The following MED11 variants were observed in gnomAD, a reference collection of about 807,000 sequenced individuals.
MED11 encodes the protein mediator complex subunit 11.
Under a neutral mutation model 13.9 loss-of-function variants are expected in MED11, and 19 were observed. The observed-to-expected ratio is 1.36, with a 90% CI of 0.95 to 2.00. The LOEUF (loss-of-function observed/expected upper bound fraction) is 2.00, where lower values mean the gene tolerates loss of function less well. MED11 is among the 30% of genes most tolerant of loss of function. MED11 has a pLI of 0.00. For missense variants in MED11, 134 were observed against 150.2 expected (o/e 0.89, Z 0.56); for synonymous variants, 67 against 62.1 (o/e 1.08, Z -0.37).
At chr17:4,731,927 C>G (rs780976850) in intron 2 of MED11, 21 bp downstream of exon 2, 2 of 1,607,766 alleles carry the variant, frequency 1.2e-6, no homozygotes, top group Non-Finnish European at 1.7e-6. Context: ...CTGGGGGGTT[C>G]TGCGAGCGAA....
intron 2 of MED11, 56 bp downstream of exon 2, chr17:4,731,962 G>A: frequency 2.5e-6 from 4 of 1,583,696 alleles, no homozygotes; most frequent in Non-Finnish European, 3.4e-6. Flanking sequence ...CAAAGCCTCA[G>A]GCTTGGGTGA....
Position 4,733,122 on chromosome 17 carries a change from G to A in MED11, c.289G>A (p.Val97Met). 6.2e-7 allele frequency: 1 copy of A among 1,614,208 alleles called. No individual in the cohort carries two copies. Among genetic ancestry groups the A allele is most frequent in the East Asian group, 2.2e-5 (1 of 44,890 alleles). The change falls in exon 3 of 3, where the codon GTG becomes ATG. Residue 97 changes from valine (V) to methionine (M), a missense_variant. Val to Met is a conservative substitution (Grantham distance 21). Coordinates refer to ENST00000293777, the MANE Select transcript of MED11 (RefSeq NM_001001683.4). Reference sequence around the variant, plus strand: ...GGACTGTCAGATGGCTCTGAAGCGAGTGGACTATGCCCGCCTCAAGCTCAG... The same window carrying A: ...GGACTGTCAGATGGCTCTGAAGCGAATGGACTATGCCCGCCTCAAGCTCAG... ...RKDCQMALKRVDYARLKLSDV... is the reference protein window; with the variant it reads ...RKDCQMALKRMDYARLKLSDV...
In MED11 at chr17:4,733,106, G is replaced by A. The variant is rs764194951; in HGVS notation, c.273G>A (p.Gln91=). The part of the protein sequence containing the change: ...GSSYSSRKDC[Q]MALKRVDYAR... ...GCTACTCTTCGAGGAAGGACTGTCA[G>A]ATGGCTCTGAAGCGAGTGGACTATG... is the stretch of plus-strand genomic sequence containing the variant. The change falls in exon 3 of 3, where the codon CAG becomes CAA. Residue 91 remains glutamine (Q), a synonymous_variant. Transcript: ENST00000293777. 6.2e-7 allele frequency: 1 copy of A among 1,614,188 alleles called. No homozygotes were observed. The highest frequency in any genetic ancestry group is 8.5e-7 in the Non-Finnish European group (1 of 1,180,036).
At position 4,733,287 on chromosome 17, in the gene MED11, C is replaced by A. The variant is rs113854154; in HGVS notation, c.*100C>A. On this transcript the variant is annotated 3_prime_UTR_variant, in exon 3 of 3. Transcript: ENST00000293777. ...GTGGGGAGTATGAGCACCAACATAC[C>A]CTGCTGGTCAAAGTACCCTAGGACA... The A allele has an allele frequency of 7.0e-7, 1 of 1,427,830 alleles. No individual in the cohort carries two copies. Among genetic ancestry groups the A allele is most frequent in the Non-Finnish European group, 9.5e-7 (1 of 1,049,714 alleles). The allele number at this position is 1,427,830 out of a possible 1,614,324, so 88.4% of individuals were successfully genotyped here. A position where few individuals can be genotyped will look rare whatever the true frequency, so the allele number is the denominator to read the frequency against.
rs1433332566 is a variant in MED11, at chr17:4,733,313, A to G, written c.*126A>G. 2 of 1,233,604 alleles carry G rather than the reference A, an allele frequency of 1.6e-6. No individual in the cohort carries two copies. Among genetic ancestry groups the G allele is most frequent in the African/African-American group, 3.0e-5 (2 of 66,230 alleles). 76.4% of individuals were successfully genotyped at this position (1,233,604 alleles called of 1,614,324 possible). On this transcript the variant is annotated 3_prime_UTR_variant, in exon 3 of 3. Coordinates refer to ENST00000293777, the MANE Select transcript of MED11 (RefSeq NM_001001683.4). ...CTGCTGGTCAAAGTACCCTAGGACA[A>G]AGGGGCAAATGGTGGGCATGGAAAA...
In MED11 at chr17:4,733,324, G is replaced by T; in HGVS notation, c.*137G>T. The T allele has an allele frequency of 8.8e-7, 1 of 1,136,314 alleles. No individual in the cohort carries two copies. 70.4% of individuals were successfully genotyped at this position (1,136,314 alleles called of 1,614,324 possible). A position where few individuals can be genotyped will look rare whatever the true frequency, so the allele number is the denominator to read the frequency against. ...AGTACCCTAGGACAAAGGGGCAAAT[G>T]GTGGGCATGGAAAAACTGAAGCCCG... On this transcript the variant is annotated 3_prime_UTR_variant, in exon 3 of 3. Transcript: ENST00000293777.
Position 4,731,481 on chromosome 17 carries a change from AGAGT to A in MED11, c.-6_-3del. 1 of 1,613,930 alleles carries A rather than the reference AGAGT, an allele frequency of 6.2e-7. No homozygotes were observed. Among genetic ancestry groups the A allele is most frequent in the Non-Finnish European group, 8.5e-7 (1 of 1,179,858 alleles). On this transcript the variant is annotated 5_prime_UTR_variant, in exon 1 of 3. Transcript: ENST00000293777. ...GGAGAAACTCTTGGTGAGAATTCCC[AGAGT>A]GATAATGGCTACCTACAGCCTGGCG... is the stretch of plus-strand genomic sequence containing the variant.
chr17:4,732,577 C>CT (rs1264179400), intron 2 of MED11: 1 of 167,030 alleles, frequency 6.0e-6, no homozygotes, highest in African/African-American at 2.4e-5. Flanking sequence ...AGCAAAAACT[C>CT]TGTCTCAAAA....
In MED11 at chr17:4,731,458, A is replaced by T; in HGVS notation, c.-32A>T. 2 of 1,609,164 alleles carry T rather than the reference A, an allele frequency of 1.2e-6. No homozygotes were observed. The highest frequency in any genetic ancestry group is 1.7e-6 in the Non-Finnish European group (2 of 1,175,784). On this transcript the variant is annotated 5_prime_UTR_variant, in exon 1 of 3. Transcript: ENST00000293777. ...CGGAACAAGCGTCGCGTTTCTGAGG[A>T]GAAACTCTTGGTGAGAATTCCCAGA...
chr17:4,731,706 G>C, intron 1 of MED11, 70 bp from the exon 2 acceptor site: 1 of 1,606,774 alleles, frequency 6.2e-7, no homozygotes. Context: ...GCGGGACTGA[G>C]AGGGGCTGGC....
intron 2 of MED11, chr17:4,732,276 T>G: frequency 4.4e-6 from 1 of 227,786 alleles, no homozygotes; most frequent in Non-Finnish European, 8.6e-6. Context: ...ATACAAAAAT[T>G]AGCTGGGCTG....
rs1597497044 is a variant in MED11 at position 4,733,384 on chromosome 17, A to C, written c.*197A>C. 9.8e-6 allele frequency: 6 copies of C among 611,396 alleles called. No homozygotes were observed. The East Asian group carries it at 1.8e-4, about 18-fold the overall frequency. The allele number at this position is 611,396 out of a possible 1,614,324, so 37.9% of individuals were successfully genotyped here. A position where few individuals can be genotyped will look rare whatever the true frequency, so the allele number is the denominator to read the frequency against. ...ACAGCTATGCTTTGGCCTCTCCAGC[A>C]GGGTGCTCCTGCTCTGCACTCCAGA... On this transcript the variant is annotated 3_prime_UTR_variant, in exon 3 of 3. Coordinates refer to ENST00000293777, the MANE Select transcript of MED11 (RefSeq NM_001001683.4).
At chr17:4,731,687 A>C in intron 1 of MED11, 89 bp from the exon 2 acceptor site, 1 of 1,606,852 alleles carries the variant, frequency 6.2e-7, no homozygotes, top group Non-Finnish European at 8.5e-7. Flanking sequence ...GTGCGTGCGC[A>C]GCGAAAGGGC....
intron 1 of MED11, 71 bp downstream of exon 1, chr17:4,731,645 G>C (rs1915979708): frequency 6.2e-7 from 1 of 1,610,096 alleles, no homozygotes; most frequent in Non-Finnish European, 8.5e-7. Flanking sequence ...CCTGACCTGG[G>C]ACTTGGAGCA....
chr17:4,731,486 G>A lies in MED11; in HGVS notation c.-4G>A. ...AACTCTTGGTGAGAATTCCCAGAGT[G>A]ATAATGGCTACCTACAGCCTGGCGA... is the stretch of plus-strand genomic sequence containing the variant. On this transcript the variant is annotated 5_prime_UTR_variant, in exon 1 of 3. Coordinates refer to ENST00000293777, the MANE Select transcript of MED11 (RefSeq NM_001001683.4). 6.2e-7 allele frequency: 1 copy of A among 1,614,042 alleles called. No homozygotes were observed. Among genetic ancestry groups the A allele is most frequent in the Non-Finnish European group, 8.5e-7 (1 of 1,179,944 alleles).
chr17:4,733,292 T>C lies in MED11; in HGVS notation c.*105T>C. The C allele has an allele frequency of 7.1e-7, 1 of 1,402,122 alleles. No individual in the cohort carries two copies. Among genetic ancestry groups the C allele is most frequent in the Non-Finnish European group, 9.7e-7 (1 of 1,030,726 alleles). 86.9% of individuals were successfully genotyped at this position (1,402,122 alleles called of 1,614,324 possible). A position where few individuals can be genotyped will look rare whatever the true frequency, so the allele number is the denominator to read the frequency against. The stretch of plus-strand genomic sequence containing the variant: ...GAGTATGAGCACCAACATACCCTGC[T>C]GGTCAAAGTACCCTAGGACAAAGGG... On this transcript the variant is annotated 3_prime_UTR_variant, in exon 3 of 3. Coordinates refer to ENST00000293777, the MANE Select transcript of MED11 (RefSeq NM_001001683.4).
At position 4,733,163 on chromosome 17, in the gene MED11, C is replaced by T. The variant is rs774712188; in HGVS notation, c.330C>T (p.Thr110=). The change falls in exon 3 of 3, where the codon ACC becomes ACT. Residue 110 remains threonine, a synonymous_variant. Transcript: ENST00000293777. ...ARLKLSDVAR[T]CEQMLEN ...TCAAGCTCAGTGATGTGGCTCGAAC[C>T]TGTGAGCAGATGCTGGAGAACTAGG... is the stretch of plus-strand genomic sequence containing the variant. 25 of 1,614,154 alleles carry T rather than the reference C, an allele frequency of 1.5e-5. No individual in the cohort carries two copies. The South Asian group carries it at 2.7e-4, about 18-fold the overall frequency.
At chr17:4,731,632 C>A (rs1915979025) in intron 1 of MED11, 58 bp downstream of exon 1, 2 of 1,610,564 alleles carry the variant, frequency 1.2e-6, no homozygotes, top group South Asian at 1.1e-5. Flanking sequence ...GCTGCACTGG[C>A]AGCCTGACCT....
At chr17:4,732,682 T>C (rs901455372) in intron 2 of MED11, among the ~76,000 whole-genome samples, 1 of 152,134 alleles carries the variant, frequency 6.6e-6, no homozygotes, top group Non-Finnish European at 1.5e-5. Flanking sequence ...TAAATAATGC[T>C]AGAACTACAG....
Sources: allele counts gnomAD v4.1 joint callset (sites outside exome capture counted in the v4.1 genomes callset), GRCh38; gene constraint gnomAD v4.1.1; transcripts MANE v1.5; gene names NCBI Gene and HGNC (gene_info 2026-07-23, HGNC 2026-07-21).